The following GRK4 variants were observed in gnomAD, a reference collection of about 807,000 sequenced individuals.
GRK4 encodes the protein G protein-coupled receptor kinase 4, also known as G protein-coupled receptor kinase 2-like.
Under a neutral mutation model 77.9 loss-of-function variants are expected in GRK4, and 73 were observed. The ratio of observed to expected loss-of-function variants is 0.94; its 90% CI spans 0.78 to 1.14. The LOEUF (loss-of-function observed/expected upper bound fraction) is 1.14. Ranked by LOEUF, GRK4 falls within the 50% of genes most tolerant of loss-of-function variation. The pLI, the probability that GRK4 is intolerant of heterozygous loss-of-function variation, is 0.00. For missense variants in GRK4, 729 were observed against 700.2 expected, an observed-to-expected ratio of 1.04 and a Z score of -0.46; for synonymous variants, 257 against 254.4, an observed-to-expected ratio of 1.01 and a Z score of -0.10.
At chr4:2,989,681 C>A (rs1178358511) in intron 3 of GRK4, among the ~76,000 whole-genome samples, 6 of 152,212 alleles carry the variant, frequency 3.9e-5, no homozygotes, top group Non-Finnish European at 7.3e-5. Context: ...CTTAAAAACG[C>A]TTTAACCCAG....
chr4:3,029,479 A>T, intron 12 of GRK4, 70 bp downstream of exon 12: 3 of 1,386,108 alleles, frequency 2.2e-6, no homozygotes, highest in Non-Finnish European at 3.0e-6. Context: ...ACTGGCAGCT[A>T]TAACAAAAAA....
At chr4:2,980,433 A>G (rs1722547442) in intron 1 of GRK4, among the ~76,000 whole-genome samples, 1 of 151,954 alleles carries the variant, frequency 6.6e-6, no homozygotes, top group African/African-American at 2.4e-5. Flanking sequence ...AAGGGAAGGA[A>G]CACTGAACCC....
chr4:2,985,942 A>G (rs969982468), intron 2 of GRK4: 1 of 144,714 alleles, frequency 6.9e-6, no homozygotes, highest in Non-Finnish European at 1.5e-5. Context: ...TGGAGATCCC[A>G]CCACTGCACT....
intron 1 of GRK4, among the ~76,000 whole-genome samples, chr4:2,968,054 G>C (rs973946147): frequency 6.6e-6 from 1 of 150,428 alleles, no homozygotes; most frequent in African/African-American, 2.4e-5. Context: ...GCCTCCCAAA[G>C]TACTGGGATT....
intron 12 of GRK4, 142 bp downstream of exon 12, chr4:3,029,551 T>C: frequency 1.5e-6 from 1 of 674,590 alleles, no homozygotes; most frequent in East Asian, 2.7e-5. Context: ...CCCCTGCCCC[T>C]GCAGCCCAGT....
rs147908042 is a variant in GRK4, at chr4:3,029,241, C to T, written c.1101C>T (p.Pro367=). The T allele has an allele frequency of 1.1e-5, 17 of 1,613,814 alleles. No homozygotes were observed. The highest frequency in any genetic ancestry group is 6.6e-5 in the South Asian group (6 of 91,076). Residue 367 remains proline, a synonymous_variant, in exon 12 of 16, where the codon CCC becomes CCT. Coordinates refer to ENST00000398052, the MANE Select transcript of GRK4 (RefSeq NM_182982.3). ...VVNNEKYTFS[P]DWWGLGCLIY... Reference sequence around the variant, plus strand: ...ATAATGAAAAGTATACGTTTAGTCCCGATTGGTGGGGACTTGGCTGTCTGA... The same window carrying T: ...ATAATGAAAAGTATACGTTTAGTCCTGATTGGTGGGGACTTGGCTGTCTGA...
chr4:3,016,742 CA>C (rs903643486), intron 8 of GRK4, among the ~76,000 whole-genome samples: 2 of 150,860 alleles, frequency 1.3e-5, no homozygotes, highest in African/African-American at 2.4e-5. Context: ...AAAAACAAAA[CA>C]AAAAAAACCC....
At chr4:3,008,119 A>C (rs926598051) in intron 6 of GRK4, among the ~76,000 whole-genome samples, 9 of 152,236 alleles carry the variant, frequency 5.9e-5, no homozygotes, top group African/African-American at 2.2e-4. Context: ...ATACAATTAG[A>C]AATTTTGAGT....
intron 9 of GRK4, among the ~76,000 whole-genome samples, chr4:3,020,379 T>C (rs1049789684): frequency 6.6e-6 from 1 of 152,212 alleles, no homozygotes; most frequent in Non-Finnish European, 1.5e-5. Flanking sequence ...ATAAAGGTGG[T>C]GCTACTCATG....
chr4:2,986,481 A>G (rs1724417860), intron 2 of GRK4, among the ~76,000 whole-genome samples: 1 of 149,518 alleles, frequency 6.7e-6, no homozygotes, highest in African/African-American at 2.5e-5. Context: ...TCAGCCTCCC[A>G]AGTAGCTGGG....
chr4:3,018,706 C>T (rs1735223424), intron 8 of GRK4, among the ~76,000 whole-genome samples: 1 of 152,052 alleles, frequency 6.6e-6, no homozygotes, highest in Non-Finnish European at 1.5e-5. Flanking sequence ...GGTGAAACCT[C>T]ATCTCTACTA....
chr4:2,997,584 A>G (rs1045894292), intron 4 of GRK4, among the ~76,000 whole-genome samples: 1 of 152,174 alleles, frequency 6.6e-6, no homozygotes, highest in Non-Finnish European at 1.5e-5. Flanking sequence ...AATGATATCT[A>G]TGAAATACCC....
intron 4 of GRK4, among the ~76,000 whole-genome samples, chr4:3,003,744 G>C (rs996678866): frequency 6.6e-6 from 1 of 151,882 alleles, no homozygotes; most frequent in Non-Finnish European, 1.5e-5. Context: ...GTTTGGTTTG[G>C]TTTGGTTTGG....
chr4:2,994,974 C>A (rs1391033087), intron 4 of GRK4, among the ~76,000 whole-genome samples: 1 of 152,112 alleles, frequency 6.6e-6, no homozygotes, highest in East Asian at 1.9e-4. Context: ...TGGTGTTTCC[C>A]TCTGTGTGTC....
intron 1 of GRK4, chr4:2,970,801 C>G (rs1719323401): frequency 1.3e-5 from 2 of 151,948 alleles, no homozygotes; most frequent in Admixed American, 1.3e-4. Flanking sequence ...TCCCCAGCAG[C>G]TGGGACTACA....
At chr4:2,983,176 T>C (rs2471351) in intron 1 of GRK4, among the ~76,000 whole-genome samples, 47,894 of 152,090 alleles carry the variant, frequency 0.31, 7,791 homozygotes, top group African/African-American at 0.34. Context: ...CCGAGCCTCT[T>C]CTGAGCTCAT....
At chr4:2,999,981 A>G (rs1729052625) in intron 4 of GRK4, among the ~76,000 whole-genome samples, 1 of 152,224 alleles carries the variant, frequency 6.6e-6, no homozygotes, top group African/African-American at 2.4e-5. Flanking sequence ...TGTAATTTTC[A>G]ACACAGAAAA....
chr4:3,017,370 T>C (rs1388290421), intron 8 of GRK4, among the ~76,000 whole-genome samples: 1 of 152,242 alleles, frequency 6.6e-6, no homozygotes, highest in Admixed American at 6.5e-5. Flanking sequence ...ATCTGTCATC[T>C]GTAACTGCCC....
At chr4:2,986,487 C>A (rs1286356815) in intron 2 of GRK4, among the ~76,000 whole-genome samples, 1 of 150,980 alleles carries the variant, frequency 6.6e-6, no homozygotes, top group Admixed American at 6.6e-5. Context: ...TCCCAAGTAG[C>A]TGGGACTACA....
Sources: gnomAD v4.1 joint callset for allele counts (sites outside exome capture counted in the v4.1 genomes callset) on GRCh38, gnomAD v4.1.1 for gene constraint, MANE v1.5 for transcripts, NCBI Gene and HGNC (gene_info 2026-07-23, HGNC 2026-07-21) for gene names.